ANO3: variants seen among roughly 807,000 people sequenced by gnomAD.
ANO3 encodes anoctamin 3.
Under a neutral mutation model 144.8 loss-of-function variants are expected in ANO3, and 99 were observed. The observed-to-expected ratio is 0.68, with a 90% CI of 0.58 to 0.81. The LOEUF is 0.81. ANO3 is among the 30% of genes least tolerant of loss of function. The pLI, the probability that ANO3 is intolerant of heterozygous loss-of-function variation, is 0.00. For synonymous variants in ANO3, 414 were observed against 392.6 expected, an observed-to-expected ratio of 1.05 and a Z score of -0.64; for missense variants, 905 against 1,202.2, an observed-to-expected ratio of 0.75 and a Z score of 3.66.
intron 1 of ANO3, among the ~76,000 whole-genome samples, chr11:26,338,998 T>G (rs1564972072): frequency 6.6e-6 from 1 of 152,228 alleles, no homozygotes; most frequent in Non-Finnish European, 1.5e-5. Context: ...AACTGCATTA[T>G]TTTATACTCC....
chr11:26,450,264 A>G (rs1056213085), intron 3 of ANO3, among the ~76,000 whole-genome samples: 2 of 152,096 alleles, frequency 1.3e-5, no homozygotes, highest in Non-Finnish European at 2.9e-5. Flanking sequence ...GAGTGCAGGG[A>G]AAGATGGTGA....
At chr11:26,304,379 C>T (rs141362767) in intron 1 of ANO3, among the ~76,000 whole-genome samples, 132 of 152,128 alleles carry the variant, frequency 8.7e-4, no homozygotes, top group Middle Eastern at 3.4e-3. Flanking sequence ...GTACTAATTG[C>T]CTTTTTACCC....
chr11:26,534,706 C>G, intron 9 of ANO3, 144 bp downstream of exon 9: 1 of 466,336 alleles, frequency 2.1e-6, no homozygotes, highest in Non-Finnish European at 3.7e-6. Context: ...ATAAGCATTC[C>G]ATTTTTCAGC....
At chr11:26,654,659 C>T (rs1853629497) in intron 24 of ANO3, among the ~76,000 whole-genome samples, 1 of 152,000 alleles carries the variant, frequency 6.6e-6, no homozygotes, top group African/African-American at 2.4e-5. Flanking sequence ...AAACGTTTGT[C>T]TTCTCCCTGG....
intron 1 of ANO3, among the ~76,000 whole-genome samples, chr11:26,420,428 C>G (rs962954305): frequency 5.3e-5 from 8 of 151,942 alleles, no homozygotes; most frequent in Non-Finnish European, 1.0e-4. Context: ...ACCATGTGCC[C>G]CAGGAAGCAG....
At chr11:26,565,903 G>C in intron 14 of ANO3, 1 of 1,564,774 alleles carries the variant, frequency 6.4e-7, no homozygotes, top group South Asian at 1.2e-5. Context: ...GAATCTGAAA[G>C]AAAATAACCA....
intron 17 of ANO3, among the ~76,000 whole-genome samples, chr11:26,613,132 G>C (rs1852148412): frequency 1.3e-5 from 2 of 151,830 alleles, no homozygotes; most frequent in South Asian, 2.1e-4. Flanking sequence ...TCCTATAATG[G>C]GAACATTTGT....
chr11:26,249,766 G>GA (rs140818717), intron 1 of ANO3, among the ~76,000 whole-genome samples: 3,041 of 151,540 alleles, frequency 0.02, 80 homozygotes, highest in African/African-American at 0.06. Flanking sequence ...AAACTCTGCT[G>GA]AAAAAAACAA....
intron 1 of ANO3, among the ~76,000 whole-genome samples, chr11:26,433,404 G>C (rs1442776088): frequency 6.6e-6 from 1 of 152,040 alleles, no homozygotes; most frequent in African/African-American, 2.4e-5. Flanking sequence ...TTGCCTGATT[G>C]TTTTGGCCAG....
intron 1 of ANO3, among the ~76,000 whole-genome samples, chr11:26,370,205 C>T (rs1856209573): frequency 6.6e-6 from 1 of 152,112 alleles, no homozygotes; most frequent in South Asian, 2.1e-4. Flanking sequence ...TTTCCCCATG[C>T]TATTCTCCTG....
chr11:26,238,850 T>C (rs891320607), intron 1 of ANO3, among the ~76,000 whole-genome samples: 2 of 152,052 alleles, frequency 1.3e-5, no homozygotes, highest in African/African-American at 4.8e-5. Context: ...CATATTTAAT[T>C]CCTGCTCTAT....
chr11:26,339,660 C>T (rs1855300808), intron 1 of ANO3, among the ~76,000 whole-genome samples: 1 of 152,100 alleles, frequency 6.6e-6, no homozygotes, highest in Non-Finnish European at 1.5e-5. Flanking sequence ...TATTTCTGAA[C>T]TTGATCATGG....
chr11:26,227,732 G>T (rs186766979), intron 1 of ANO3, among the ~76,000 whole-genome samples: 6 of 152,250 alleles, frequency 3.9e-5, no homozygotes, highest in Admixed American at 6.5e-5. Flanking sequence ...CACGTCGAAT[G>T]CTTTCTCTGA....
At chr11:26,319,144 C>CATCATCATCATT (rs1554938770) in intron 1 of ANO3, among the ~76,000 whole-genome samples, 11 of 150,834 alleles carry the variant, frequency 7.3e-5, no homozygotes, top group African/African-American at 2.4e-4. Context: ...TTCCAGATAA[C>CATCATCATCATT]ATTATTATTA....
At chr11:26,641,745 CT>C (rs1431670670) in intron 21 of ANO3, 150 bp from the exon 22 acceptor site, 11 of 889,262 alleles carry the variant, frequency 1.2e-5, no homozygotes, top group Non-Finnish European at 1.4e-5. Context: ...GTTTTTTTAA[CT>C]TTTTTAAAAA....
chr11:26,295,741 AATATAT>A (rs753195690), intron 1 of ANO3, among the ~76,000 whole-genome samples: 19 of 152,312 alleles, frequency 1.2e-4, no homozygotes, highest in Middle Eastern at 6.8e-3. Context: ...GACGTTTTTA[AATATAT>A]TTCTGGGTTT....
chr11:26,357,512 T>G (rs965819196), intron 1 of ANO3, among the ~76,000 whole-genome samples: 8 of 152,086 alleles, frequency 5.3e-5, no homozygotes, highest in African/African-American at 1.9e-4. Context: ...TAATGTATCT[T>G]TTCAATTTTT....
Position 26,537,294 on chromosome 11 carries a change from G to A in ANO3, c.977-112G>A, listed in dbSNP as rs386635. 623,332 of 842,138 alleles carry A rather than the reference G, an allele frequency of 0.74. 232,004 individuals are homozygous for A. The highest frequency in any genetic ancestry group is 0.85 in the East Asian group (34,863 of 40,998). 52.2% of individuals were successfully genotyped at this position (842,138 alleles called of 1,614,324 possible). A position where few individuals can be genotyped will look rare whatever the true frequency, so the allele number is the denominator to read the frequency against. On this transcript the variant is annotated intron_variant, in intron 9 of 26. Coordinates refer to ENST00000256737, the MANE Select transcript of ANO3 (RefSeq NM_031418.4). ...GGTGATGTGGCTATGGAAGTCATTT[G>A]GGTTATCTTAAACTTTTTAATCGAT...
intron 1 of ANO3, among the ~76,000 whole-genome samples, chr11:26,229,958 C>T (rs1023463723): frequency 6.6e-6 from 1 of 152,158 alleles, no homozygotes; most frequent in South Asian, 2.1e-4. Flanking sequence ...ACCCTCTGAT[C>T]CTTTATTCTT....
Sources: gnomAD v4.1 joint callset for allele counts (sites outside exome capture counted in the v4.1 genomes callset) on GRCh38, gnomAD v4.1.1 for gene constraint, MANE v1.5 for transcripts, NCBI Gene and HGNC (gene_info 2026-07-23, HGNC 2026-07-21) for gene names.